ELP4: variants seen among roughly 807,000 people sequenced by gnomAD.
The protein encoded by ELP4 is elongator acetyltransferase complex subunit 4.
ELP4 carries 51 observed loss-of-function variants against 48.9 expected under a neutral mutation model. The observed-to-expected ratio is 1.04, with a 90% CI of 0.83 to 1.32. ELP4 has a LOEUF of 1.32. Among genes scored for constraint, ELP4 ranks in the 40% most tolerant of loss-of-function variants. The pLI, the probability that ELP4 is intolerant of heterozygous loss-of-function variation, is 0.00. For missense variants in ELP4, 519 were observed against 514.6 expected (o/e 1.01, Z -0.08); for synonymous variants, 210 against 189.2 (o/e 1.11, Z -0.90).
chr11:31,534,421 A>C (rs1956466681), intron 2 of ELP4, among the ~76,000 whole-genome samples: 1 of 152,116 alleles, frequency 6.6e-6, no homozygotes, highest in South Asian at 2.1e-4. Context: ...TTGGACCTGA[A>C]GCATCCTTAT....
chr11:31,778,014 G>A (rs913921307), intron 9 of ELP4, among the ~76,000 whole-genome samples: 1 of 152,174 alleles, frequency 6.6e-6, no homozygotes, highest in African/African-American at 2.4e-5. Flanking sequence ...GAATAGGATG[G>A]CGTGCCTTTT....
chr11:31,703,955 C>G (rs956240352), intron 9 of ELP4, among the ~76,000 whole-genome samples: 26 of 152,112 alleles, frequency 1.7e-4, no homozygotes, highest in Admixed American at 1.6e-3. Flanking sequence ...GTTATATGCA[C>G]TCACATATTC....
chr11:31,547,613 G>A lies in ELP4; in HGVS notation c.381+7830G>A, dbSNP rs926341078. Reference sequence around the variant, plus strand: ...ACTGTTCCAATCAATAGAAAAAGAGGGAATGTTCCCTAACTCATTTTATGA... The same window carrying A: ...ACTGTTCCAATCAATAGAAAAAGAGAGAATGTTCCCTAACTCATTTTATGA... On this transcript the variant is annotated intron_variant, in intron 3 of 9. Coordinates refer to ENST00000640961, the MANE Select transcript of ELP4 (RefSeq NM_019040.5). Among the ~76,000 whole-genome samples the A allele has an allele frequency of 3.9e-5, 6 of 152,092 alleles. No homozygotes were observed. The East Asian group carries it at 5.8e-4, about 15-fold the overall frequency.
chr11:31,522,071 A>C (rs1450309952), intron 2 of ELP4, among the ~76,000 whole-genome samples: 1 of 152,168 alleles, frequency 6.6e-6, no homozygotes, highest in Non-Finnish European at 1.5e-5. Flanking sequence ...ATGTCTTATG[A>C]GATACTTATG....
At chr11:31,691,090 A>G (rs1946269969) in intron 9 of ELP4, among the ~76,000 whole-genome samples, 1 of 151,850 alleles carries the variant, frequency 6.6e-6, no homozygotes, top group Non-Finnish European at 1.5e-5. Context: ...TTTTCAGAAT[A>G]CCTATTTTGT....
At chr11:31,714,768 G>A (rs754999715) in intron 9 of ELP4, 26 of 398,330 alleles carry the variant, frequency 6.5e-5, no homozygotes, top group Non-Finnish European at 9.3e-5. Context: ...TTTTCAAAGC[G>A]AGCAACATTG....
At chr11:31,690,502 T>C (rs1467797304) in intron 9 of ELP4, among the ~76,000 whole-genome samples, 1 of 152,148 alleles carries the variant, frequency 6.6e-6, no homozygotes. Flanking sequence ...TCTATAGCTT[T>C]GTGGAAAAGT....
chr11:31,695,305 G>C (rs956020360), intron 9 of ELP4, among the ~76,000 whole-genome samples: 4 of 152,098 alleles, frequency 2.6e-5, no homozygotes, highest in Non-Finnish European at 5.9e-5. Context: ...GTCATAACTA[G>C]CTCTTATTAT....
intron 3 of ELP4, among the ~76,000 whole-genome samples, chr11:31,575,577 C>A (rs142658423): frequency 6.6e-6 from 1 of 152,190 alleles, no homozygotes; most frequent in Non-Finnish European, 1.5e-5. Context: ...GCCCATCAGA[C>A]TAACAGCTGA....
chr11:31,516,076 G>C (rs1381395352), intron 1 of ELP4, among the ~76,000 whole-genome samples: 3 of 152,172 alleles, frequency 2.0e-5, no homozygotes, highest in Non-Finnish European at 4.4e-5. Flanking sequence ...TTGCACCACT[G>C]CACTCCAGCC....
chr11:31,688,086 A>G (rs892724564), intron 9 of ELP4, among the ~76,000 whole-genome samples: 1 of 152,190 alleles, frequency 6.6e-6, no homozygotes, highest in African/African-American at 2.4e-5. Flanking sequence ...CTGGAGCAAG[A>G]GGTTATTTAT....
At position 31,785,386 on chromosome 11, in the gene ELP4, C is replaced by A; in HGVS notation, c.*1862C>A. On this transcript the variant is annotated 3_prime_UTR_variant, in exon 10 of 10. Transcript: ENST00000640961. The stretch of plus-strand genomic sequence containing the variant: ...ACGAGGTCATCAGATATGTAAATTG[C>A]TTGTCAAAATACTTAATAGGTCATT... 5.4e-6 allele frequency: 1 copy of A among 185,870 alleles called. No homozygotes were observed. The highest frequency in any genetic ancestry group is 1.1e-5 in the Non-Finnish European group (1 of 87,804). The allele number at this position is 185,870 out of a possible 1,614,324, so 11.5% of individuals were successfully genotyped here. A position where few individuals can be genotyped will look rare whatever the true frequency, so the allele number is the denominator to read the frequency against.
chr11:31,535,379 G>T (rs1272508610), intron 2 of ELP4, among the ~76,000 whole-genome samples: 1 of 152,064 alleles, frequency 6.6e-6, no homozygotes, highest in Non-Finnish European at 1.5e-5. Flanking sequence ...TTCTCGTTCT[G>T]TTCCCCAGGC....
chr11:31,545,830 G>C lies in ELP4; in HGVS notation c.381+6047G>C, dbSNP rs758276240. 6.1e-3 allele frequency among the ~76,000 whole-genome samples: 922 copies of C among 152,144 alleles called. 7 individuals carry two copies. Among genetic ancestry groups the C allele is most frequent in the Non-Finnish European group, 9.2e-3 (623 of 68,002 alleles). On this transcript the variant is annotated intron_variant, in intron 3 of 9. Coordinates refer to ENST00000640961, the MANE Select transcript of ELP4 (RefSeq NM_019040.5). ...CCAGAAGAGAGTGGGGGCCAATATT[G>C]AACATTCTTAAAGAAAAGAATATTC...
At chr11:31,643,453 A>T (rs1039541322) in intron 7 of ELP4, among the ~76,000 whole-genome samples, 5 of 151,876 alleles carry the variant, frequency 3.3e-5, no homozygotes, top group African/African-American at 1.2e-4. Flanking sequence ...TTTTCTGGAA[A>T]TATATTTTGT....
chr11:31,688,985 T>C (rs1381696997), intron 9 of ELP4, among the ~76,000 whole-genome samples: 2 of 152,180 alleles, frequency 1.3e-5, no homozygotes, highest in African/African-American at 4.8e-5. Flanking sequence ...ACTTTGTCAT[T>C]GAGTGGAATG....
At chr11:31,564,828 A>G (rs1437559525) in intron 3 of ELP4, among the ~76,000 whole-genome samples, 2 of 152,132 alleles carry the variant, frequency 1.3e-5, no homozygotes, top group East Asian at 1.9e-4. Context: ...GAATAGTGCC[A>G]CAATAAACAT....
chr11:31,524,914 G>A (rs755096332), intron 2 of ELP4, among the ~76,000 whole-genome samples: 7 of 152,156 alleles, frequency 4.6e-5, no homozygotes, highest in Non-Finnish European at 7.3e-5. Context: ...GAGCAAAGGA[G>A]GTTAAAGCTG....
chr11:31,515,478 T>C (rs1260036827), intron 1 of ELP4, among the ~76,000 whole-genome samples: 1 of 152,006 alleles, frequency 6.6e-6, no homozygotes, highest in South Asian at 2.1e-4. Context: ...TGAGACCCCA[T>C]CTCTACAAAG....
Sources: allele counts gnomAD v4.1 joint callset (sites outside exome capture counted in the v4.1 genomes callset), GRCh38; gene constraint gnomAD v4.1.1; transcripts MANE v1.5; gene names NCBI Gene and HGNC (gene_info 2026-07-23, HGNC 2026-07-21).